Variants in NSD1 observed in about 807,000 individuals in gnomAD.
NSD1 encodes histone-lysine N-methyltransferase, H3 lysine-36 specific.
In NSD1, 26 loss-of-function variants were observed where a neutral mutation model predicts 242.7. That is an observed-to-expected ratio of 0.11 (90% CI 0.08 to 0.15). The LOEUF (loss-of-function observed/expected upper bound fraction) is 0.15, where lower values mean the gene tolerates loss of function less well. NSD1 is among the 10% of genes least tolerant of loss of function. The pLI is 1.00. For synonymous variants in NSD1, 1,106 were observed against 1,178.1 expected, an observed-to-expected ratio of 0.94 and a Z score of 1.25; for missense variants, 2,495 against 3,272.8, an observed-to-expected ratio of 0.76 and a Z score of 5.80.
intron 5 of NSD1, among the ~76,000 whole-genome samples, chr5:177,214,728 C>T (rs146636326): frequency 0.026 from 3,852 of 147,848 alleles, 49 homozygotes; most frequent in African/African-American, 0.03. Flanking sequence ...AGTGCAGTGG[C>T]GTGATCTCAG....
In NSD1 at chr5:177,266,355, T is replaced by C. The variant is rs560329341; in HGVS notation, c.5147-1207T>C. 1.4e-5 allele frequency: 10 copies of C among 699,534 alleles called. No individual in the cohort carries two copies. The East Asian group carries it at 3.0e-4, about 21-fold the overall frequency. 43.3% of individuals were successfully genotyped at this position (699,534 alleles called of 1,614,324 possible). ...CTGGAACACTCGATGCCGATGACCT[T>C]GCGGGCCCGGCCTTGGCGGCGAACA... On this transcript the variant is annotated intron_variant, in intron 14 of 22. Coordinates refer to ENST00000439151, the MANE Select transcript of NSD1 (RefSeq NM_022455.5).
intron 2 of NSD1, among the ~76,000 whole-genome samples, chr5:177,182,619 C>T (rs573880787): frequency 3.5e-4 from 53 of 151,960 alleles, no homozygotes; most frequent in Non-Finnish European, 6.8e-4. Context: ...CCTCCCCTCC[C>T]CGCTTTTTAA....
At chr5:177,232,694 C>G (rs971647993) in intron 5 of NSD1, among the ~76,000 whole-genome samples, 31 of 152,224 alleles carry the variant, frequency 2.0e-4, no homozygotes, top group African/African-American at 7.5e-4. Flanking sequence ...AGCCTCCTTG[C>G]ATTATTCATT....
In NSD1 at chr5:177,298,421, A is replaced by G. The variant is rs191109311; in HGVS notation, c.*2962A>G. 6 of 233,242 alleles carry G rather than the reference A, an allele frequency of 2.6e-5. No individual in the cohort carries two copies. The East Asian group carries it at 3.6e-4, about 14-fold the overall frequency. The allele number at this position is 233,242 out of a possible 1,614,324, so 14.4% of individuals were successfully genotyped here. A position where few individuals can be genotyped will look rare whatever the true frequency, so the allele number is the denominator to read the frequency against. ...ACATCTAGCCCTGCTAAGTCAGAAAAAGATTATGAAAAATGTTGAAATTTA... is the reference window on the plus strand; with the variant it reads ...ACATCTAGCCCTGCTAAGTCAGAAAGAGATTATGAAAAATGTTGAAATTTA... On this transcript the variant is annotated 3_prime_UTR_variant, in exon 23 of 23. Coordinates refer to ENST00000439151, the MANE Select transcript of NSD1 (RefSeq NM_022455.5).
At chr5:177,229,098 C>T (rs990545048) in intron 5 of NSD1, among the ~76,000 whole-genome samples, 2 of 152,010 alleles carry the variant, frequency 1.3e-5, no homozygotes, top group South Asian at 4.1e-4. Flanking sequence ...AAAAAACTTA[C>T]CATCTGTAAT....
upstream of NSD1, among the ~76,000 whole-genome samples, chr5:177,132,586 G>C (rs1755954240): frequency 6.6e-6 from 1 of 151,902 alleles, no homozygotes; most frequent in Non-Finnish European, 1.5e-5. This position sits in a 1 kb window ranked among gnomAD's most constrained non-coding sequence, Gnocchi z 7.5. Context: ...CTGGGGACTC[G>C]GCCTCCCTGG....
At chr5:177,198,560 T>A (rs1284143408) in intron 3 of NSD1, among the ~76,000 whole-genome samples, 1 of 152,156 alleles carries the variant, frequency 6.6e-6, no homozygotes, top group Admixed American at 6.5e-5. Flanking sequence ...TATTTAGTAT[T>A]CTTAGTATAT....
chr5:177,284,622 T>G lies in NSD1; in HGVS notation c.6151+694T>G, dbSNP rs368754949. 7.9e-5 allele frequency among the ~76,000 whole-genome samples: 12 copies of G among 152,318 alleles called. 1 individual carries two copies. Among genetic ancestry groups the G allele is most frequent in the African/African-American group, 2.9e-4 (12 of 41,578 alleles). Reference sequence around the variant, plus strand: ...CTTTTAGCACAGTGTCTTCGGAACATGGATGGTTTTAATGGAACAAATTTT... The same window carrying G: ...CTTTTAGCACAGTGTCTTCGGAACAGGGATGGTTTTAATGGAACAAATTTT... On this transcript the variant is annotated intron_variant, in intron 20 of 22. Coordinates refer to ENST00000439151, the MANE Select transcript of NSD1 (RefSeq NM_022455.5).
At chr5:177,201,939 G>T (rs1389911098) in intron 3 of NSD1, among the ~76,000 whole-genome samples, 1 of 151,730 alleles carries the variant, frequency 6.6e-6, no homozygotes, top group African/African-American at 2.4e-5. Flanking sequence ...GGCCGAGGCG[G>T]GCGGATCACC....
At chr5:177,176,176 C>T (rs1027939717) in intron 2 of NSD1, among the ~76,000 whole-genome samples, 4 of 151,866 alleles carry the variant, frequency 2.6e-5, no homozygotes, top group Non-Finnish European at 2.9e-5. Flanking sequence ...GCGCCCGGCC[C>T]GATTGCAAAA....
chr5:177,251,281 A>G (rs112595496), intron 11 of NSD1, among the ~76,000 whole-genome samples: 3 of 152,204 alleles, frequency 2.0e-5, no homozygotes, highest in African/African-American at 7.2e-5. Context: ...GTGAGGCCCT[A>G]TCTTAGCTGA....
intron 4 of NSD1, among the ~76,000 whole-genome samples, chr5:177,207,073 A>G (rs988776510): frequency 5.9e-5 from 9 of 151,780 alleles, no homozygotes; most frequent in African/African-American, 2.2e-4. Flanking sequence ...AGTAGCTGAG[A>G]TTACAGGCTT....
rs565273400 is a variant in NSD1 at position 177,186,715 on chromosome 5, G to A, written c.928-5169G>A. Among the ~76,000 whole-genome samples the A allele has an allele frequency of 1.5e-4, 23 of 152,274 alleles. No individual in the cohort carries two copies. In the East Asian group the frequency reaches 2.1e-3, roughly 14 times the overall value. ...GTGAAATAAGGAATATAAGGTGGCC[G>A]TGGTGGCTCAGGCCTATAATGCCAG... On this transcript the variant is annotated intron_variant, in intron 2 of 22. Transcript: ENST00000439151.
Position 177,211,489 on chromosome 5 carries a change from G to T in NSD1, c.3090G>T (p.Leu1030Phe), listed in dbSNP as rs201860097. ...NCGRSKPSSK[L>F]RDAFSAQMVK... ...GACGATCAAAGCCTTCATCCAAATT[G>T]CGAGATGCTTTTTCAGCCCAAATGG... The change falls in exon 5 of 23, where the codon TTG (leucine) becomes TTT (phenylalanine). Residue 1030 changes from leucine (L) to phenylalanine (F), a missense_variant. By Grantham distance (22) the Leu-to-Phe change is conservative (BLOSUM62 0). This residue lies in a region of NSD1 where 426 missense variants were observed against 411.4 expected (regional missense o/e 1.04). Coordinates refer to ENST00000439151, the MANE Select transcript of NSD1 (RefSeq NM_022455.5). 191 of 1,614,016 alleles carry T rather than the reference G, an allele frequency of 1.2e-4. No individual in the cohort carries two copies. Among genetic ancestry groups the T allele is most frequent in the Non-Finnish European group, 1.5e-4 (179 of 1,180,040 alleles).
chr5:177,293,080 T>C (rs1356187897), intron 22 of NSD1, among the ~76,000 whole-genome samples: 1 of 152,066 alleles, frequency 6.6e-6, no homozygotes, highest in Admixed American at 6.6e-5. Context: ...CACCAGGAAG[T>C]AGAATTGTTT....
chr5:177,135,139 T>C lies in NSD1; in HGVS notation c.36T>C (p.Cys12=). ...CCTGTGAACTACCCAGAAGAAATTGTCTGCTGCCCTTTTCCAATCCAGTGA... is the reference window on the plus strand; with the variant it reads ...CCTGTGAACTACCCAGAAGAAATTGCCTGCTGCCCTTTTCCAATCCAGTGA... ...DQTCELPRRN[C]LLPFSNPVNL... is the part of the protein sequence containing the mutation. Residue 12 remains cysteine (C), a synonymous_variant, in exon 2 of 23, where the codon TGT becomes TGC. Transcript: ENST00000439151. The C allele has an allele frequency of 1.2e-6, 2 of 1,614,224 alleles. No homozygotes were observed. Among genetic ancestry groups the C allele is most frequent in the Non-Finnish European group, 8.5e-7 (1 of 1,180,030 alleles).
intron 17 of NSD1, among the ~76,000 whole-genome samples, chr5:177,276,373 G>A (rs1269785045): frequency 6.6e-6 from 1 of 150,554 alleles, no homozygotes; most frequent in African/African-American, 2.4e-5. Context: ...TGCCCAGGCT[G>A]GGGTGCAGTG....
rs1436951036 is a variant in NSD1 at position 177,296,513 on chromosome 5, C to T, written c.*1054C>T. On this transcript the variant is annotated 3_prime_UTR_variant, in exon 23 of 23. Transcript: ENST00000439151. ...CCAGCTTCAGGAAGAGTACCAGATC[C>T]TGATGGGAAATTTCTTTTCCCCATT... The T allele has an allele frequency of 4.3e-6, 1 of 233,152 alleles. No individual in the cohort carries two copies. Among genetic ancestry groups the T allele is most frequent in the African/African-American group, 2.2e-5 (1 of 45,320 alleles). The allele number at this position is 233,152 out of a possible 1,614,324, so 14.4% of individuals were successfully genotyped here. A position where few individuals can be genotyped will look rare whatever the true frequency, so the allele number is the denominator to read the frequency against.
At chr5:177,215,615 C>T (rs906251998) in intron 5 of NSD1, among the ~76,000 whole-genome samples, 1 of 151,878 alleles carries the variant, frequency 6.6e-6, no homozygotes, top group Non-Finnish European at 1.5e-5. Context: ...TCTCAAGTCA[C>T]TGCAACCTCT....
Sources: gnomAD v4.1 joint callset for allele counts (sites outside exome capture counted in the v4.1 genomes callset) on GRCh38, gnomAD v4.1.1 for gene constraint, gnomAD v4.1.1 regional missense constraint, Gnocchi (gnomAD v3.1) non-coding constraint, MANE v1.5 for transcripts, NCBI Gene and HGNC (gene_info 2026-07-23, HGNC 2026-07-21) for gene names.